Variants in CDH12 observed in about 807,000 individuals in gnomAD.
CDH12 encodes the protein cadherin 12.
In CDH12, 41 loss-of-function variants were observed where a neutral mutation model predicts 74.1. The observed-to-expected ratio is 0.55, with a 90% CI of 0.43 to 0.72. The LOEUF (loss-of-function observed/expected upper bound fraction) is 0.72. Ranked by LOEUF, CDH12 falls within the 30% of genes least tolerant of loss-of-function variation. CDH12 has a pLI of 0.00. For synonymous variants in CDH12, 399 were observed against 355.0 expected (o/e 1.12, Z -1.39); for missense variants, 945 against 977.2 (o/e 0.97, Z 0.44).
At chr5:21,763,561 C>T (rs568806801) in intron 12 of CDH12, among the ~76,000 whole-genome samples, 6 of 152,192 alleles carry the variant, frequency 3.9e-5, no homozygotes, top group Admixed American at 2.6e-4. Flanking sequence ...TGAATAGTTA[C>T]GCTATTTAAA....
intron 1 of CDH12, among the ~76,000 whole-genome samples, chr5:22,725,827 T>C (rs955271901): frequency 2.0e-5 from 3 of 151,804 alleles, no homozygotes; most frequent in African/African-American, 7.2e-5. Context: ...GAAACTAAAT[T>C]GAGGTCCATA....
intron 1 of CDH12, among the ~76,000 whole-genome samples, chr5:22,609,555 T>C (rs1737290958): frequency 6.6e-6 from 1 of 152,204 alleles, no homozygotes; most frequent in Non-Finnish European, 1.5e-5. Context: ...TGTGTAAAAA[T>C]ATATATGTAT....
intron 5 of CDH12, among the ~76,000 whole-genome samples, chr5:22,028,381 T>G (rs978588478): frequency 5.3e-4 from 80 of 152,144 alleles, no homozygotes; most frequent in African/African-American, 1.6e-3. Context: ...CAGCCCAAAA[T>G]CTCCTTAAGC....
intron 3 of CDH12, among the ~76,000 whole-genome samples, chr5:22,253,084 T>C (rs531283570): frequency 6.6e-5 from 10 of 152,092 alleles, no homozygotes; most frequent in Non-Finnish European, 1.0e-4. Context: ...ATGTTGACCA[T>C]ACAGGAAATC....
chr5:22,487,559 T>C (rs1239721934), intron 2 of CDH12, among the ~76,000 whole-genome samples: 1 of 151,812 alleles, frequency 6.6e-6, no homozygotes, highest in African/African-American at 2.4e-5. Context: ...AAATGAACAA[T>C]AAAGCAAAAA....
chr5:22,114,005 A>G (rs1266883259), intron 4 of CDH12, among the ~76,000 whole-genome samples: 2 of 152,190 alleles, frequency 1.3e-5, no homozygotes, highest in Admixed American at 1.3e-4. Flanking sequence ...ATCAGGTGGC[A>G]TCTCTAGCAG....
intron 4 of CDH12, among the ~76,000 whole-genome samples, chr5:22,198,433 A>G (rs1254433488): frequency 6.6e-6 from 1 of 152,170 alleles, no homozygotes; most frequent in Non-Finnish European, 1.5e-5. Context: ...GGCATTTCTG[A>G]CACTCTTCAA....
At chr5:22,303,901 A>G (rs1737997688) in intron 3 of CDH12, among the ~76,000 whole-genome samples, 1 of 152,148 alleles carries the variant, frequency 6.6e-6, no homozygotes, top group Non-Finnish European at 1.5e-5. Context: ...CACCATGGTG[A>G]TACCATAAGA....
intron 6 of CDH12, among the ~76,000 whole-genome samples, chr5:21,903,943 T>A (rs558495072): frequency 6.6e-6 from 1 of 152,196 alleles, no homozygotes; most frequent in Non-Finnish European, 1.5e-5. Context: ...AATTTATTCC[T>A]TAGAAAAAAA....
chr5:22,280,786 C>T (rs1035883994), intron 3 of CDH12, among the ~76,000 whole-genome samples: 21 of 152,228 alleles, frequency 1.4e-4, no homozygotes, highest in South Asian at 6.2e-4. Context: ...CTGAATTCTA[C>T]GAGAGGTACA....
intron 1 of CDH12, among the ~76,000 whole-genome samples, chr5:22,794,117 A>G (rs1055763959): frequency 2.0e-5 from 3 of 152,128 alleles, no homozygotes; most frequent in African/African-American, 7.2e-5. Context: ...CAATATTCCA[A>G]AATGACAACG....
rs564852205 is a variant in CDH12 at position 22,751,359 on chromosome 5, A to G, written c.-523+101699T>C. Among the ~76,000 whole-genome samples, 41 of 148,092 alleles carry G rather than the reference A, an allele frequency of 2.8e-4. No homozygotes were observed. In the East Asian group the frequency reaches 6.3e-3, roughly 23 times the overall value. ...ATATACATATATATATATATATATA[A>G]TATCTACAAAGTATATAATCTTATC... On this transcript the variant is annotated intron_variant, in intron 1 of 14. Transcript: ENST00000382254.
At chr5:22,215,432 G>T (rs1751767782) in intron 3 of CDH12, among the ~76,000 whole-genome samples, 1 of 151,644 alleles carries the variant, frequency 6.6e-6, no homozygotes, top group Admixed American at 6.6e-5. Flanking sequence ...TGATTTAGCA[G>T]AAAAAAAATT....
intron 1 of CDH12, among the ~76,000 whole-genome samples, chr5:22,831,624 C>T (rs1234557305): frequency 1.3e-5 from 2 of 151,996 alleles, no homozygotes; most frequent in African/African-American, 2.4e-5. Flanking sequence ...CAGCCGGGTA[C>T]GGTGGGTCAC....
intron 5 of CDH12, among the ~76,000 whole-genome samples, chr5:22,052,336 C>A (rs1413479139): frequency 6.6e-6 from 1 of 152,078 alleles, no homozygotes; most frequent in Non-Finnish European, 1.5e-5. Flanking sequence ...ATGAGCATAA[C>A]TGGCAACCTA....
At chr5:22,454,331 TA>T (rs765630897) in intron 2 of CDH12, among the ~76,000 whole-genome samples, 33 of 152,292 alleles carry the variant, frequency 2.2e-4, no homozygotes, top group Admixed American at 6.5e-4. Flanking sequence ...GTGATTATTT[TA>T]AAAGTGTCAC....
chr5:22,723,884 C>T (rs889330846), intron 1 of CDH12, among the ~76,000 whole-genome samples: 1 of 151,960 alleles, frequency 6.6e-6, no homozygotes, highest in Non-Finnish European at 1.5e-5. Flanking sequence ...ATCGCACACT[C>T]AGCTCATAGG....
intron 5 of CDH12, among the ~76,000 whole-genome samples, chr5:22,039,540 C>A (rs1334488691): frequency 6.6e-6 from 1 of 152,118 alleles, no homozygotes; most frequent in Non-Finnish European, 1.5e-5. Context: ...CTTGTAGGCC[C>A]TGTCAATCCC....
intron 1 of CDH12, among the ~76,000 whole-genome samples, chr5:22,627,594 C>T (rs269000): frequency 0.56 from 84,499 of 151,878 alleles, 23,826 homozygotes; most frequent in East Asian, 0.68. Context: ...GTGTGCAAAA[C>T]AGGAAAATGA....
Sources: gnomAD v4.1 joint callset for allele counts (sites outside exome capture counted in the v4.1 genomes callset) on GRCh38, gnomAD v4.1.1 for gene constraint, MANE v1.5 for transcripts, NCBI Gene and HGNC (gene_info 2026-07-23, HGNC 2026-07-21) for gene names.